The following KCNMB2 variants were observed in gnomAD, a reference collection of about 807,000 sequenced individuals.
The protein encoded by KCNMB2 is potassium calcium-activated channel subfamily M regulatory beta subunit 2.
In KCNMB2, 9 loss-of-function variants were observed where a neutral mutation model predicts 24.5. The observed-to-expected ratio is 0.37, with a 90% CI of 0.22 to 0.64. KCNMB2 has a LOEUF of 0.64. KCNMB2 is among the 30% of genes least tolerant of loss of function. The pLI is 0.63. For missense variants in KCNMB2, 226 were observed against 284.3 expected (o/e 0.79, Z 1.47); for synonymous variants, 109 against 104.4 (o/e 1.04, Z -0.27).
rs190257212 is a variant in KCNMB2 at position 178,771,512 on chromosome 3, C to T, written c.-67-35831C>T. ...TTTTTTTTTTTTTGAGACAGGGTCT[C>T]ACTCTGTCACCCAGGCGGGAGTACG... On this transcript the variant is annotated intron_variant, in intron 1 of 4. Coordinates refer to ENST00000452583, the MANE Select transcript of KCNMB2 (RefSeq NM_181361.3). Among the ~76,000 whole-genome samples the T allele has an allele frequency of 1.7e-3, 191 of 114,186 alleles. 1 individual carries two copies. Among genetic ancestry groups the T allele is most frequent in the Non-Finnish European group, 1.8e-3 (109 of 60,010 alleles). The allele number at this position is 114,186 out of a possible 152,430, so 74.9% of individuals were successfully genotyped here. A position where few individuals can be genotyped will look rare whatever the true frequency, so the allele number is the denominator to read the frequency against.
chr3:178,648,572 T>TA (rs1429890970), intron 1 of KCNMB2, among the ~76,000 whole-genome samples: 1 of 152,194 alleles, frequency 6.6e-6, no homozygotes, highest in African/African-American at 2.4e-5. Context: ...AACAAAAACA[T>TA]AAAAAATAAG....
chr3:178,686,685 G>A (rs1034042016), intron 1 of KCNMB2, among the ~76,000 whole-genome samples: 19 of 152,084 alleles, frequency 1.2e-4, no homozygotes, highest in Non-Finnish European at 7.4e-5. Flanking sequence ...GTGTATGTAT[G>A]CACCTAAGTC....
intron 1 of KCNMB2, among the ~76,000 whole-genome samples, chr3:178,595,731 A>G (rs1003330246): frequency 5.3e-5 from 8 of 152,104 alleles, no homozygotes; most frequent in East Asian, 3.8e-4. Context: ...CTGTGAGTCA[A>G]TTAAACCTCT....
At chr3:178,601,529 A>G (rs1718084597) in intron 1 of KCNMB2, among the ~76,000 whole-genome samples, 1 of 152,150 alleles carries the variant, frequency 6.6e-6, no homozygotes, top group Non-Finnish European at 1.5e-5. Context: ...ATCCCTGTCC[A>G]CAGCTGACTC....
At chr3:178,689,618 A>G (rs1721597466) in intron 1 of KCNMB2, among the ~76,000 whole-genome samples, 2 of 152,232 alleles carry the variant, frequency 1.3e-5, no homozygotes, top group South Asian at 4.1e-4. Flanking sequence ...CCTGGGAGAG[A>G]GAGCGAGACT....
rs538439077 is a variant in KCNMB2 at position 178,741,239 on chromosome 3, T to C, written c.-67-66104T>C. 1.4e-4 allele frequency among the ~76,000 whole-genome samples: 22 copies of C among 152,310 alleles called. No homozygotes were observed. The East Asian group carries it at 4.1e-3, about 28-fold the overall frequency. The stretch of plus-strand genomic sequence containing the variant: ...TGTGAATTTTAGTAGATATTTAACC[T>C]TGCTCACTTCATTCTCCCACCTATA... On this transcript the variant is annotated intron_variant, in intron 1 of 4. Transcript: ENST00000452583.
intron 1 of KCNMB2, among the ~76,000 whole-genome samples, chr3:178,570,180 G>A (rs891823111): frequency 4.6e-5 from 7 of 152,100 alleles, no homozygotes; most frequent in Non-Finnish European, 8.8e-5. Flanking sequence ...TGCCTTACAA[G>A]TCATCACTAT....
chr3:178,557,442 G>GT (rs1560108021), intron 1 of KCNMB2, among the ~76,000 whole-genome samples: 1 of 152,164 alleles, frequency 6.6e-6, no homozygotes, highest in Non-Finnish European at 1.5e-5. Flanking sequence ...AAAGTAGAAG[G>GT]TGAGATGCTT....
chr3:178,805,491 T>C (rs1056347129), intron 1 of KCNMB2, among the ~76,000 whole-genome samples: 9 of 152,204 alleles, frequency 5.9e-5, no homozygotes, highest in African/African-American at 1.9e-4. Context: ...TTATTATGAG[T>C]GCATGCTCTG....
At chr3:178,737,968 T>C (rs1487783169) in intron 1 of KCNMB2, among the ~76,000 whole-genome samples, 1 of 152,214 alleles carries the variant, frequency 6.6e-6, no homozygotes, top group African/African-American at 2.4e-5. Flanking sequence ...TAAGTGTTTA[T>C]TGACTGAATA....
At chr3:178,723,451 CTAAG>C (rs1249012202) in intron 1 of KCNMB2, among the ~76,000 whole-genome samples, 27 of 152,094 alleles carry the variant, frequency 1.8e-4, no homozygotes, top group Admixed American at 1.8e-3. Flanking sequence ...TTTTTAATGC[CTAAG>C]TGTTTGGAGA....
chr3:178,731,327 T>C (rs1723143510), intron 1 of KCNMB2, among the ~76,000 whole-genome samples: 1 of 152,186 alleles, frequency 6.6e-6, no homozygotes, highest in Non-Finnish European at 1.5e-5. Flanking sequence ...GCAGAAATGA[T>C]AGAGTGTCAC....
At chr3:178,661,066 T>A (rs913314670) in intron 1 of KCNMB2, among the ~76,000 whole-genome samples, 1 of 152,048 alleles carries the variant, frequency 6.6e-6, no homozygotes, top group African/African-American at 2.4e-5. Context: ...TATACACGTG[T>A]CATGGTGGTT....
At chr3:178,651,295 A>C (rs1720110959) in intron 1 of KCNMB2, among the ~76,000 whole-genome samples, 1 of 152,218 alleles carries the variant, frequency 6.6e-6, no homozygotes, top group African/African-American at 2.4e-5. Context: ...AGAGAGCCAA[A>C]TCATGAGTGA....
At chr3:178,593,897 A>C (rs952070881) in intron 1 of KCNMB2, among the ~76,000 whole-genome samples, 5 of 149,536 alleles carry the variant, frequency 3.3e-5, no homozygotes, top group African/African-American at 5.0e-5. Flanking sequence ...GCCACGGCAT[A>C]CCAGATCATT....
intron 1 of KCNMB2, among the ~76,000 whole-genome samples, chr3:178,688,409 A>G (rs1027105433): frequency 1.3e-5 from 2 of 152,154 alleles, no homozygotes; most frequent in Non-Finnish European, 2.9e-5. Context: ...ATGGGGACAC[A>G]ATAAATAACT....
intron 1 of KCNMB2, among the ~76,000 whole-genome samples, chr3:178,615,945 G>A (rs1022408545): frequency 2.6e-5 from 4 of 152,132 alleles, no homozygotes; most frequent in African/African-American, 9.7e-5. Context: ...TCTGACCCAG[G>A]TGTCTAGAAA....
chr3:178,815,859 T>C (rs192986928), intron 2 of KCNMB2, among the ~76,000 whole-genome samples: 2 of 152,162 alleles, frequency 1.3e-5, no homozygotes, highest in East Asian at 1.9e-4. Context: ...ACCCACATTA[T>C]AAGTTCCTGG....
intron 1 of KCNMB2, among the ~76,000 whole-genome samples, chr3:178,692,818 G>A (rs1234866669): frequency 6.6e-6 from 1 of 152,134 alleles, no homozygotes; most frequent in African/African-American, 2.4e-5. Flanking sequence ...GAATAGCATT[G>A]AATTTATAAA....
Sources: allele counts gnomAD v4.1 joint callset (sites outside exome capture counted in the v4.1 genomes callset), GRCh38; gene constraint gnomAD v4.1.1; transcripts MANE v1.5; gene names NCBI Gene and HGNC (gene_info 2026-07-23, HGNC 2026-07-21).